The following MYO9A variants were observed in gnomAD, a reference collection of about 807,000 sequenced individuals.
MYO9A encodes the protein unconventional myosin-IXa.
A neutral mutation model predicts 293.3 loss-of-function variants in MYO9A; 103 were observed. That is an observed-to-expected ratio of 0.35 (90% CI 0.30 to 0.41). The LOEUF (loss-of-function observed/expected upper bound fraction) is 0.41, where lower values mean the gene tolerates loss of function less well. Ranked by LOEUF, MYO9A falls within the 10% of genes least tolerant of loss-of-function variation. MYO9A has a pLI of 1.00. For missense variants in MYO9A, 2,685 were observed against 3,033.0 expected, an observed-to-expected ratio of 0.89 and a Z score of 2.69; for synonymous variants, 1,001 against 1,035.7, an observed-to-expected ratio of 0.97 and a Z score of 0.64.
chr15:71,972,290 C>T (rs1236495300), intron 12 of MYO9A: 2 of 152,080 alleles, frequency 1.3e-5, no homozygotes, highest in Non-Finnish European at 2.9e-5. Flanking sequence ...CTCCTTCCCC[C>T]ATACCTTGCC....
intron 29 of MYO9A, 71 bp from the exon 30 acceptor site, chr15:71,879,908 G>A: frequency 9.6e-7 from 1 of 1,041,750 alleles, no homozygotes; most frequent in Non-Finnish European, 1.5e-6. Context: ...CAGTAGGCAT[G>A]TATTGTTGCT....
At position 71,848,892 on chromosome 15, in the gene MYO9A, C is replaced by A; in HGVS notation, c.6790G>T (p.Ala2264Ser). 6.2e-7 allele frequency: 1 copy of A among 1,613,004 alleles called. No homozygotes were observed. Among genetic ancestry groups the A allele is most frequent in the Non-Finnish European group, 8.5e-7 (1 of 1,179,782 alleles). ...RLKDISSLEF[A>S]ENKAKTRLSL... ...AACCTGGTCTTTGCCTTATTCTCAG[C>A]AAATTCCAAGCTACTGATATCTTTG... is the stretch of plus-strand genomic sequence containing the variant. The change falls in exon 39 of 42, where the codon GCT (alanine) becomes TCT (serine). Residue 2264 changes from alanine to serine, a missense_variant. Ala to Ser is a moderately conservative substitution (Grantham distance 99, BLOSUM62 1). Coordinates refer to ENST00000356056, the MANE Select transcript of MYO9A (RefSeq NM_006901.4).
intron 2 of MYO9A, among the ~76,000 whole-genome samples, chr15:72,044,240 C>A (rs557294489): frequency 1.5e-4 from 23 of 152,098 alleles, no homozygotes; most frequent in African/African-American, 2.7e-4. Context: ...AACCCCTACT[C>A]TACTAAAAAT....
At chr15:71,915,624 T>G (rs1398218147) in intron 19 of MYO9A, among the ~76,000 whole-genome samples, 1 of 152,136 alleles carries the variant, frequency 6.6e-6, no homozygotes, top group Admixed American at 6.5e-5. Flanking sequence ...ACATCCTAGC[T>G]GCAAAAGAAG....
chr15:71,965,479 C>T (rs1181179386), intron 13 of MYO9A, among the ~76,000 whole-genome samples: 2 of 152,152 alleles, frequency 1.3e-5, no homozygotes, highest in African/African-American at 4.8e-5. Flanking sequence ...TATCAAGTGG[C>T]TCATGCCTGT....
chr15:71,883,230 C>T (rs1285819483), intron 28 of MYO9A, among the ~76,000 whole-genome samples: 1 of 152,136 alleles, frequency 6.6e-6, no homozygotes, highest in African/African-American at 2.4e-5. Context: ...TACCACAGTG[C>T]CTTGCATGTA....
At chr15:72,028,218 AATAT>A (rs33914430) in intron 3 of MYO9A, among the ~76,000 whole-genome samples, 11 of 134,256 alleles carry the variant, frequency 8.2e-5, no homozygotes, top group Admixed American at 3.1e-4. Context: ...TAAATAAATA[AATAT>A]ATATATATAT....
intron 27 of MYO9A, 95 bp downstream of exon 27, chr15:71,887,909 C>T (rs908015358): frequency 3.2e-6 from 2 of 626,980 alleles, no homozygotes; most frequent in Non-Finnish European, 5.2e-6. Flanking sequence ...AGTGGCCTAT[C>T]AATTATGGTT....
intron 12 of MYO9A, among the ~76,000 whole-genome samples, chr15:71,971,885 T>C (rs1044292869): frequency 5.3e-5 from 8 of 152,040 alleles, no homozygotes; most frequent in African/African-American, 1.9e-4. Context: ...TTTGTTATAA[T>C]GTTGGGGTGC....
At chr15:72,027,957 G>A (rs1596412115) in intron 3 of MYO9A, among the ~76,000 whole-genome samples, 164 bp from the exon 4 acceptor site, 1 of 152,060 alleles carries the variant, frequency 6.6e-6, no homozygotes, top group African/African-American at 2.4e-5. Flanking sequence ...CAGCACTTTG[G>A]GAGGTCGAGA....
intron 32 of MYO9A, among the ~76,000 whole-genome samples, chr15:71,874,216 T>A (rs1338650252): frequency 6.6e-6 from 1 of 152,252 alleles, no homozygotes; most frequent in Non-Finnish European, 1.5e-5. Flanking sequence ...TTGGGAATTT[T>A]GTTTACAAGC....
rs200260254 is a variant in MYO9A, at chr15:72,046,419, G to A, written c.145C>T (p.Leu49Phe). 1.2e-6 allele frequency: 2 copies of A among 1,614,198 alleles called. No homozygotes were observed. The highest frequency in any genetic ancestry group is 2.7e-5 in the African/African-American group (2 of 75,046). The change falls in exon 2 of 42, where the codon CTT becomes TTT. Residue 49 changes from leucine (L) to phenylalanine (F), a missense_variant. By Grantham distance (22) the Leu-to-Phe change is conservative (BLOSUM62 0). Transcript: ENST00000356056. ...TTGTCAAGATGAAGTTTGTTTATAA[G>A]AGACTCAATCACCTCAGCAGCTGTG... ...NSTAAEVIES[L>F]INKLHLDKTK... is the part of the protein sequence containing the mutation.
At chr15:71,979,304 A>T (rs1253337691) in intron 11 of MYO9A, among the ~76,000 whole-genome samples, 1 of 152,118 alleles carries the variant, frequency 6.6e-6, no homozygotes, top group African/African-American at 2.4e-5. Flanking sequence ...GTCACTCCCC[A>T]ATGGCAGTAA....
intron 7 of MYO9A, among the ~76,000 whole-genome samples, chr15:72,009,593 A>G (rs1485265474): frequency 6.6e-6 from 1 of 152,016 alleles, no homozygotes; most frequent in African/African-American, 2.4e-5. Flanking sequence ...ACAAGCCTGC[A>G]GTCCCAACTT....
intron 19 of MYO9A, among the ~76,000 whole-genome samples, chr15:71,914,060 A>G (rs969976219): frequency 6.6e-6 from 1 of 152,102 alleles, no homozygotes; most frequent in African/African-American, 2.4e-5. Context: ...AGACTCAAGG[A>G]GACCCCTCAG....
intron 34 of MYO9A, chr15:71,858,649 T>G (rs1450727110): frequency 7.6e-6 from 1 of 131,022 alleles, no homozygotes; most frequent in African/African-American, 2.9e-5. Context: ...GGTTAGTACT[T>G]GGATGGGAGA....
Position 71,878,140 on chromosome 15 carries a change from G to A in MYO9A, c.5831C>T (p.Ser1944Leu). The A allele has an allele frequency of 6.2e-7, 1 of 1,613,148 alleles. No homozygotes were observed. Among genetic ancestry groups the A allele is most frequent in the Non-Finnish European group, 8.5e-7 (1 of 1,179,594 alleles). The change falls in exon 31 of 42, where the codon TCA becomes TTA. Residue 1944 changes from serine (S) to leucine (L), a missense_variant. Coordinates refer to ENST00000356056, the MANE Select transcript of MYO9A (RefSeq NM_006901.4). ...AACTCTCACTGGAGATTCACCCAGT[G>A]AATCACGCTGCTCAAGCCTCATCGT... ...EKTMRLEQRDSLGESPVRVWV... is the reference protein window; with the variant it reads ...EKTMRLEQRDLLGESPVRVWV...
intron 32 of MYO9A, among the ~76,000 whole-genome samples, chr15:71,867,139 G>A (rs941794061): frequency 3.3e-5 from 5 of 151,648 alleles, no homozygotes; most frequent in African/African-American, 1.2e-4. Flanking sequence ...TGTAAAAAGG[G>A]TGACATCTCA....
intron 15 of MYO9A, among the ~76,000 whole-genome samples, chr15:71,951,289 A>G (rs2059044342): frequency 2.6e-5 from 4 of 152,220 alleles, no homozygotes. Flanking sequence ...AGAAAGGGCT[A>G]TGACAAAACT....
Sources: gnomAD v4.1 joint callset for allele counts (sites outside exome capture counted in the v4.1 genomes callset) on GRCh38, gnomAD v4.1.1 for gene constraint, MANE v1.5 for transcripts, NCBI Gene and HGNC (gene_info 2026-07-23, HGNC 2026-07-21) for gene names.